The following MYO6 variants were observed in gnomAD, a reference collection of about 807,000 sequenced individuals.
MYO6 encodes the protein unconventional myosin-VI.
A neutral mutation model predicts 178.7 loss-of-function variants in MYO6; 74 were observed. The ratio of observed to expected loss-of-function variants is 0.41; its 90% CI spans 0.34 to 0.50. The LOEUF (loss-of-function observed/expected upper bound fraction) is 0.50, where lower values mean the gene tolerates loss of function less well. Among genes scored for constraint, MYO6 ranks in the 20% least tolerant of loss-of-function variants. The pLI, the probability that MYO6 is intolerant of heterozygous loss-of-function variation, is 0.09. For synonymous variants in MYO6, 477 were observed against 504.6 expected, an observed-to-expected ratio of 0.95 and a Z score of 0.73; for missense variants, 1,330 against 1,547.4, an observed-to-expected ratio of 0.86 and a Z score of 2.36.
chr6:75,798,445 G>T (rs2150109292), intron 1 of MYO6, among the ~76,000 whole-genome samples: 1 of 152,198 alleles, frequency 6.6e-6, no homozygotes, highest in East Asian at 1.9e-4. Context: ...TTTTATTCCT[G>T]GGATGTAAGG....
intron 6 of MYO6, among the ~76,000 whole-genome samples, 173 bp downstream of exon 6, chr6:75,833,120 G>T (rs572747724): frequency 6.6e-6 from 1 of 152,266 alleles, no homozygotes; most frequent in East Asian, 1.9e-4. Context: ...CCGAATGGCT[G>T]GGACTATAGG....
At chr6:75,895,363 G>A (rs1193296395) in intron 29 of MYO6, 103 bp downstream of exon 29, 3 of 923,764 alleles carry the variant, frequency 3.2e-6, no homozygotes, top group Non-Finnish European at 5.2e-6. Context: ...CTATTGAAAG[G>A]TAATGAGATA....
At chr6:75,890,346 T>C (rs2149368436) in intron 26 of MYO6, 81 bp downstream of exon 26, 1 of 1,557,546 alleles carries the variant, frequency 6.4e-7, no homozygotes, top group South Asian at 1.2e-5. Context: ...ATGACAATTA[T>C]TTGTTTTGTT....
chr6:75,812,495 G>C (rs1276291793), intron 1 of MYO6, among the ~76,000 whole-genome samples: 1 of 152,072 alleles, frequency 6.6e-6, no homozygotes, highest in Non-Finnish European at 1.5e-5. Flanking sequence ...TTAAATGACA[G>C]TAAGTTACTA....
chr6:75,784,057 T>A (rs1443001121), intron 1 of MYO6, among the ~76,000 whole-genome samples: 3 of 152,098 alleles, frequency 2.0e-5, no homozygotes, highest in Admixed American at 2.0e-4. Context: ...CTACAACCTG[T>A]GCTTCCCGGG....
chr6:75,763,303 C>T lies in MYO6; in HGVS notation c.-48+13880C>T, dbSNP rs561345712. ...CCTCCCAAAGTGCTGGGATTACAGG[C>T]GTGAGCCACTGTGCCCGGCATAATT... On this transcript the variant is annotated intron_variant, in intron 1 of 34. Coordinates refer to ENST00000369977, the MANE Select transcript of MYO6 (RefSeq NM_004999.4). Among the ~76,000 whole-genome samples the T allele has an allele frequency of 7.2e-5, 11 of 152,222 alleles. 1 individual carries two copies. In the South Asian group the frequency reaches 1.9e-3, roughly 26 times the overall value.
rs1419684044 is a variant in MYO6 at position 75,771,954 on chromosome 6, TGTATG to T, written c.-48+22536_-48+22540del. 1.2e-4 allele frequency among the ~76,000 whole-genome samples: 19 copies of T among 152,342 alleles called. No homozygotes were observed. In the South Asian group the frequency reaches 3.3e-3, roughly 27 times the overall value. The stretch of plus-strand genomic sequence containing the variant: ...AGTTTTTGTGTACTAATTTTTAAAA[TGTATG>T]GTATCTTGTGGAGGAGTTAAAAAAG... On this transcript the variant is annotated intron_variant, in intron 1 of 34. Coordinates refer to ENST00000369977, the MANE Select transcript of MYO6 (RefSeq NM_004999.4).
chr6:75,833,779 G>T (rs185648468), intron 6 of MYO6, among the ~76,000 whole-genome samples: 1 of 152,204 alleles, frequency 6.6e-6, no homozygotes, highest in East Asian at 1.9e-4. Flanking sequence ...CCACCTCTTG[G>T]CTATTGTCAA....
rs765929647 is a variant in MYO6 at position 75,914,803 on chromosome 6, A to T, written c.3659-10A>T. On this transcript the variant is annotated splice_polypyrimidine_tract_variant and intron_variant, in intron 34 of 34. Transcript: ENST00000369977. ...AGAGATGGTAATTTTCTGATATCTC[A>T]TGAATACAGGTAAGGACGACATGGA... is the stretch of plus-strand genomic sequence containing the variant. 6.2e-7 allele frequency: 1 copy of T among 1,613,852 alleles called. No homozygotes were observed. Among genetic ancestry groups the T allele is most frequent in the Non-Finnish European group, 8.5e-7 (1 of 1,179,718 alleles).
rs187143018 is a variant in MYO6 at position 75,916,324 on chromosome 6, C to T, written c.*1312C>T. ...TTTCTTTTTTCCCTAGAAAGATTAC[C>T]TCAGTTAGGGAAGTATTTCCCAGCT... On this transcript the variant is annotated 3_prime_UTR_variant, in exon 35 of 35. Transcript: ENST00000369977. 6.6e-6 allele frequency: 1 copy of T among 152,466 alleles called. No individual in the cohort carries two copies. The highest frequency in any genetic ancestry group is 6.5e-5 in the Admixed American group (1 of 15,280). The allele number at this position is 152,466 out of a possible 1,614,324, so 9.4% of individuals were successfully genotyped here. A position where few individuals can be genotyped will look rare whatever the true frequency, so the allele number is the denominator to read the frequency against.
intron 19 of MYO6, among the ~76,000 whole-genome samples, chr6:75,872,900 C>T (rs1287132545): frequency 2.0e-5 from 3 of 152,072 alleles, no homozygotes; most frequent in Non-Finnish European, 4.4e-5. Flanking sequence ...CTGCCTCAGC[C>T]TCCCAAGTAG....
intron 1 of MYO6, among the ~76,000 whole-genome samples, chr6:75,783,088 A>AT (rs912963485): frequency 1.3e-4 from 20 of 149,970 alleles, no homozygotes; most frequent in Admixed American, 3.3e-4. Context: ...CTAATTTTTA[A>AT]TTTTTTTTTG....
intron 1 of MYO6, among the ~76,000 whole-genome samples, chr6:75,769,128 A>G (rs1436472765): frequency 1.3e-5 from 2 of 152,128 alleles, no homozygotes; most frequent in Non-Finnish European, 2.9e-5. Flanking sequence ...CATGCCTGAA[A>G]CACCTCCCAT....
At chr6:75,895,079 T>C (rs1583394794) in intron 28 of MYO6, 152 bp from the exon 29 acceptor site, 1 of 645,576 alleles carries the variant, frequency 1.5e-6, no homozygotes, top group East Asian at 2.8e-5. Flanking sequence ...TACTTAAAAA[T>C]ATATTAAAAT....
chr6:75,809,315 A>G (rs1188540410), intron 1 of MYO6, among the ~76,000 whole-genome samples: 1 of 152,190 alleles, frequency 6.6e-6, no homozygotes, highest in Non-Finnish European at 1.5e-5. Flanking sequence ...GGATCAGTGG[A>G]TGGAAAATTA....
intron 6 of MYO6, among the ~76,000 whole-genome samples, chr6:75,833,738 A>G (rs1458286223): frequency 1.4e-4 from 21 of 152,184 alleles, no homozygotes; most frequent in African/African-American, 2.4e-5. Flanking sequence ...TTGTTTATCC[A>G]TGCATTTGTC....
rs772058658 is a variant in MYO6 at position 75,841,223 on chromosome 6, G to T, written c.661G>T (p.Val221Phe). Residue 221 changes from valine (V) to phenylalanine (F), a missense_variant, in exon 9 of 35, where the codon GTT becomes TTT. Physicochemically the swap from Val to Phe is conservative, Grantham distance 50. This residue lies in a region of MYO6 where 613 missense variants were observed against 816.8 expected (regional missense o/e 0.75). Coordinates refer to ENST00000369977, the MANE Select transcript of MYO6 (RefSeq NM_004999.4). ...EIHFNEKSSVVGGFVSHYLLE... is the reference protein window; with the variant it reads ...EIHFNEKSSVFGGFVSHYLLE... ...GTGTTTTGTTTTTTAGAGCTCAGTT[G>T]TTGGAGGATTTGTTTCACATTATCT... The T allele has an allele frequency of 6.2e-7, 1 of 1,613,796 alleles. No homozygotes were observed. Among genetic ancestry groups the T allele is most frequent in the Admixed American group, 1.7e-5 (1 of 60,022 alleles).
At chr6:75,867,280 A>G (rs1776779309) in intron 18 of MYO6, among the ~76,000 whole-genome samples, 175 bp downstream of exon 18, 1 of 152,246 alleles carries the variant, frequency 6.6e-6, no homozygotes, top group African/African-American at 2.4e-5. Flanking sequence ...GTAATTGAAC[A>G]TACAGAAATG....
At chr6:75,834,667 C>A (rs566275555) in intron 6 of MYO6, among the ~76,000 whole-genome samples, 3 of 152,308 alleles carry the variant, frequency 2.0e-5, no homozygotes, top group South Asian at 4.1e-4. Flanking sequence ...AGCATACTCA[C>A]CAGTGTTACT....
Sources: gnomAD v4.1 joint callset for allele counts (sites outside exome capture counted in the v4.1 genomes callset) on GRCh38, gnomAD v4.1.1 for gene constraint, gnomAD v4.1.1 regional missense constraint, MANE v1.5 for transcripts, NCBI Gene and HGNC (gene_info 2026-07-23, HGNC 2026-07-21) for gene names.